RAI14: variants seen among roughly 807,000 people sequenced by gnomAD.
RAI14 encodes ankycorbin.
A neutral mutation model predicts 115.4 loss-of-function variants in RAI14; 45 were observed. That is an observed-to-expected ratio of 0.39 (90% CI 0.31 to 0.50). The LOEUF (loss-of-function observed/expected upper bound fraction) is 0.50. Ranked by LOEUF, RAI14 falls within the 20% of genes least tolerant of loss-of-function variation. RAI14 has a pLI of 0.85. For synonymous variants in RAI14, 371 were observed against 415.4 expected (o/e 0.89, Z 1.30); for missense variants, 939 against 1,131.2 (o/e 0.83, Z 2.44).
chr5:34,806,996 C>T (rs528265805), intron 5 of RAI14, among the ~76,000 whole-genome samples: 2 of 152,262 alleles, frequency 1.3e-5, no homozygotes, highest in Admixed American at 1.3e-4. Context: ...GTATCCACCT[C>T]GTGTTGTTAG....
At chr5:34,785,788 C>G (rs886265241) in intron 3 of RAI14, among the ~76,000 whole-genome samples, 1 of 152,182 alleles carries the variant, frequency 6.6e-6, no homozygotes, top group Non-Finnish European at 1.5e-5. Flanking sequence ...TTTCCCCATT[C>G]CCACATACAG....
intron 2 of RAI14, among the ~76,000 whole-genome samples, chr5:34,743,189 A>G (rs1745743704): frequency 1.3e-5 from 2 of 152,174 alleles, no homozygotes. Flanking sequence ...GGCTTAAACA[A>G]TGGATGCCTC....
intron 1 of RAI14, among the ~76,000 whole-genome samples, chr5:34,665,151 ATGTGTG>A (rs369849287): frequency 1.8e-5 from 1 of 54,274 alleles, no homozygotes; most frequent in Non-Finnish European, 3.9e-5. Flanking sequence ...ACACATATAT[ATGTGTG>A]TGTATATATA....
At chr5:34,777,155 T>A (rs1281116495) in intron 3 of RAI14, among the ~76,000 whole-genome samples, 1 of 151,698 alleles carries the variant, frequency 6.6e-6, no homozygotes, top group Non-Finnish European at 1.5e-5. Flanking sequence ...AACAGAATGA[T>A]ACACTATCTC....
intron 2 of RAI14, among the ~76,000 whole-genome samples, chr5:34,731,575 T>C (rs897964751): frequency 6.6e-6 from 1 of 152,230 alleles, no homozygotes; most frequent in Non-Finnish European, 1.5e-5. Flanking sequence ...CAAAGCCATC[T>C]TACTTCCACA....
At chr5:34,665,947 T>C (rs932682865) in intron 1 of RAI14, among the ~76,000 whole-genome samples, 1 of 152,258 alleles carries the variant, frequency 6.6e-6, no homozygotes, top group Non-Finnish European at 1.5e-5. Context: ...CAACATACTA[T>C]TGACCATTTT....
chr5:34,823,227 G>A lies in RAI14; in HGVS notation c.1385G>A (p.Arg462Gln), dbSNP rs748931819. 7 of 1,613,936 alleles carry A rather than the reference G, an allele frequency of 4.3e-6. No homozygotes were observed. In the African/African-American group the frequency reaches 5.3e-5, roughly 12 times the overall value. Reference sequence around the variant, plus strand: ...CAGCTACAGGTCGAACTCCAATCCCGAAGGGCAGAACTGGTATGCTTAAAC... The same window carrying A: ...CAGCTACAGGTCGAACTCCAATCCCAAAGGGCAGAACTGGTATGCTTAAAC... ...RKQLQVELQSRRAELVCLNNT... is the reference protein window; with the variant it reads ...RKQLQVELQSQRAELVCLNNT... Residue 462 changes from arginine (R) to glutamine (Q), a missense_variant, in exon 15 of 18, where the codon CGA becomes CAA. By Grantham distance (43) the Arg-to-Gln change is conservative. Coordinates refer to ENST00000265109, the MANE Select transcript of RAI14 (RefSeq NM_015577.3). This position sits in a 1 kb window ranked among gnomAD's most constrained non-coding sequence, Gnocchi z 4.5.
At chr5:34,799,501 C>G (rs998254274) in intron 4 of RAI14, among the ~76,000 whole-genome samples, 5 of 56,146 alleles carry the variant, frequency 8.9e-5, no homozygotes, top group African/African-American at 2.6e-4. Flanking sequence ...CAGACACACA[C>G]ACACACACAC....
chr5:34,747,278 G>A (rs985410284), intron 2 of RAI14, among the ~76,000 whole-genome samples: 8 of 152,150 alleles, frequency 5.3e-5, no homozygotes, highest in African/African-American at 1.9e-4. Flanking sequence ...TACCTCATAG[G>A]GTTATTGTAA....
intron 10 of RAI14, 118 bp downstream of exon 10, chr5:34,812,326 T>C: frequency 1.1e-6 from 1 of 946,512 alleles, no homozygotes; most frequent in Non-Finnish European, 1.6e-6. Context: ...TGAAAATACT[T>C]AGGGACTGAA....
At chr5:34,771,836 T>C (rs1424374905) in intron 3 of RAI14, among the ~76,000 whole-genome samples, 4 of 152,160 alleles carry the variant, frequency 2.6e-5, no homozygotes, top group African/African-American at 9.7e-5. Context: ...CAGATTTTAG[T>C]TTAAACTTTG....
In RAI14 at chr5:34,823,953, C is replaced by G; in HGVS notation, c.2111C>G (p.Ser704Cys). The G allele has an allele frequency of 6.2e-7, 1 of 1,614,132 alleles. No homozygotes were observed. The highest frequency in any genetic ancestry group is 8.5e-7 in the Non-Finnish European group (1 of 1,180,020). ...GAAGATGCACTGTCTGAAATGAAGT[C>G]TCAGTATTCAAAAGTGTTGAATGAG... ...KAEDALSEMK[S>C]QYSKVLNELT... Residue 704 changes from serine to cysteine, a missense_variant, in exon 15 of 18, where the codon TCT becomes TGT. Coordinates refer to ENST00000265109, the MANE Select transcript of RAI14 (RefSeq NM_015577.3). This position sits in a 1 kb window ranked among gnomAD's most constrained non-coding sequence, Gnocchi z 4.5.
At chr5:34,753,793 A>G (rs537735488) in intron 2 of RAI14, among the ~76,000 whole-genome samples, 1 of 152,206 alleles carries the variant, frequency 6.6e-6, no homozygotes, top group African/African-American at 2.4e-5. Context: ...ATGTGCCTGT[A>G]GTCCCAGCTA....
intron 2 of RAI14, among the ~76,000 whole-genome samples, chr5:34,745,877 C>G (rs78364780): frequency 0.019 from 2,965 of 152,274 alleles, 91 homozygotes; most frequent in African/African-American, 0.067. Context: ...ACTCTGTCTC[C>G]CATTTCCCCA....
Position 34,823,213 on chromosome 5 carries a change from C to T in RAI14, c.1371C>T (p.Val457=), listed in dbSNP as rs1348947939. 9 of 1,613,876 alleles carry T rather than the reference C, an allele frequency of 5.6e-6. No homozygotes were observed. The highest frequency in any genetic ancestry group is 7.6e-6 in the Non-Finnish European group (9 of 1,179,978). Residue 457 remains valine (V), a synonymous_variant, in exon 15 of 18, where the codon GTC becomes GTT. Coordinates refer to ENST00000265109, the MANE Select transcript of RAI14 (RefSeq NM_015577.3). The surrounding 1 kb of genome is among the most constrained non-coding windows in gnomAD (Gnocchi z 4.5). ...AAGCAGAGAGAAAACAGCTACAGGT[C>T]GAACTCCAATCCCGAAGGGCAGAAC... ...SSEAERKQLQ[V]ELQSRRAELV...
At chr5:34,803,877 T>G (rs1754570126) in intron 5 of RAI14, 101 bp downstream of exon 5, 1 of 1,033,526 alleles carries the variant, frequency 9.7e-7, no homozygotes, top group Non-Finnish European at 1.5e-6. Context: ...CACACTCCTT[T>G]AAATACTGTC....
intron 3 of RAI14, among the ~76,000 whole-genome samples, chr5:34,794,207 G>A (rs1561042637): frequency 6.6e-6 from 1 of 152,058 alleles, no homozygotes; most frequent in Non-Finnish European, 1.5e-5. Context: ...TGGATCACAT[G>A]AGGTCAGGAG....
chr5:34,807,772 T>C lies in RAI14; in HGVS notation c.322-28T>C, dbSNP rs1279308689. On this transcript the variant is annotated intron_variant, in intron 5 of 17. Transcript: ENST00000265109. ...AGAATTGGGGCAGGGTATTTTATTATATGGATGTATTTATTTTTGTCTTAT... is the reference window on the plus strand; with the variant it reads ...AGAATTGGGGCAGGGTATTTTATTACATGGATGTATTTATTTTTGTCTTAT... 3 of 1,546,520 alleles carry C rather than the reference T, an allele frequency of 1.9e-6. No individual in the cohort carries two copies. The Admixed American group carries it at 5.0e-5, about 26-fold the overall frequency.
chr5:34,746,294 A>G (rs1281989181), intron 2 of RAI14, among the ~76,000 whole-genome samples: 1 of 149,872 alleles, frequency 6.7e-6, no homozygotes, highest in Non-Finnish European at 1.5e-5. Flanking sequence ...TTTAGTAGAG[A>G]CGGGGTTTCA....
Sources: gnomAD v4.1 joint callset for allele counts (sites outside exome capture counted in the v4.1 genomes callset) on GRCh38, gnomAD v4.1.1 for gene constraint, Gnocchi (gnomAD v3.1) non-coding constraint, MANE v1.5 for transcripts, NCBI Gene and HGNC (gene_info 2026-07-23, HGNC 2026-07-21) for gene names.